Variants in PPP1R14C observed in about 807,000 individuals in gnomAD.
PPP1R14C encodes the protein protein phosphatase 1 regulatory subunit 14C.
In PPP1R14C, 16 loss-of-function variants were observed where a neutral mutation model predicts 20.4. The ratio of observed to expected loss-of-function variants is 0.78; its 90% CI spans 0.53 to 1.19. The LOEUF (loss-of-function observed/expected upper bound fraction) is 1.19. PPP1R14C is among the 50% of genes most tolerant of loss of function. PPP1R14C has a pLI of 0.00. For missense variants in PPP1R14C, 211 were observed against 220.1 expected (o/e 0.96, Z 0.26); for synonymous variants, 91 against 91.0 (o/e 1.00, Z 0.00).
At chr6:150,191,868 T>C (rs1297478288) in intron 1 of PPP1R14C, among the ~76,000 whole-genome samples, 1 of 152,174 alleles carries the variant, frequency 6.6e-6, no homozygotes, top group African/African-American at 2.4e-5. Flanking sequence ...TGACTATTCA[T>C]GAAGGAAATG....
At chr6:150,205,207 C>T (rs1405849278) in intron 1 of PPP1R14C, among the ~76,000 whole-genome samples, 1 of 152,054 alleles carries the variant, frequency 6.6e-6, no homozygotes, top group African/African-American at 2.4e-5. Context: ...GAAAAGACCT[C>T]CTCAGCCTAG....
chr6:150,181,600 T>TA (rs1057497102), intron 1 of PPP1R14C, among the ~76,000 whole-genome samples: 5 of 152,220 alleles, frequency 3.3e-5, no homozygotes, highest in African/African-American at 7.2e-5. Flanking sequence ...AATGTTTTTT[T>TA]AAAAAAATTT....
rs1021776901 is a variant in PPP1R14C at position 150,242,328 on chromosome 6, T to G, written c.424-6418T>G. On this transcript the variant is annotated intron_variant, in intron 3 of 3. Coordinates refer to ENST00000361131, the MANE Select transcript of PPP1R14C (RefSeq NM_030949.3). ...GATAAAGATATTACAAGAAAAGAAATGTACAGACAAGTATTGAATTCAACA... is the reference window on the plus strand; with the variant it reads ...GATAAAGATATTACAAGAAAAGAAAGGTACAGACAAGTATTGAATTCAACA... 2.0e-4 allele frequency among the ~76,000 whole-genome samples: 8 copies of G among 39,216 alleles called. No homozygotes were observed. In the South Asian group the frequency reaches 3.4e-3, roughly 17 times the overall value. 25.7% of individuals were successfully genotyped at this position (39,216 alleles called of 152,430 possible).
chr6:150,165,989 G>A (rs1777417500), intron 1 of PPP1R14C, among the ~76,000 whole-genome samples: 1 of 152,144 alleles, frequency 6.6e-6, no homozygotes, highest in Non-Finnish European at 1.5e-5. Context: ...CTCTGGATGT[G>A]CCAGTCAGTG....
At chr6:150,223,654 C>T (rs1562273928) in intron 3 of PPP1R14C, among the ~76,000 whole-genome samples, 1 of 151,850 alleles carries the variant, frequency 6.6e-6, no homozygotes, top group East Asian at 1.9e-4. Context: ...TAGATGTTAA[C>T]TATGTCTGTT....
chr6:150,217,194 TA>T (rs368421448), intron 3 of PPP1R14C, among the ~76,000 whole-genome samples: 12 of 144,070 alleles, frequency 8.3e-5, no homozygotes, highest in South Asian at 6.4e-4. Flanking sequence ...TATTGGTATG[TA>T]TTTTTTTTTT....
At chr6:150,227,943 A>G (rs1223213608) in intron 3 of PPP1R14C, among the ~76,000 whole-genome samples, 1 of 152,232 alleles carries the variant, frequency 6.6e-6, no homozygotes, top group African/African-American at 2.4e-5. Context: ...ACATACTTTC[A>G]TTAGGATTCT....
chr6:150,151,841 C>CCGGG (rs1777251047), intron 1 of PPP1R14C, among the ~76,000 whole-genome samples: 1 of 152,182 alleles, frequency 6.6e-6, no homozygotes, highest in Non-Finnish European at 1.5e-5. Context: ...CTGATTGCGG[C>CCGGG]CGGGCGCGGT....
chr6:150,145,838 T>A (rs1259694577), intron 1 of PPP1R14C, among the ~76,000 whole-genome samples: 3 of 152,242 alleles, frequency 2.0e-5, no homozygotes, highest in Non-Finnish European at 4.4e-5. Context: ...AGGCTTGAGT[T>A]ATCTGCTGAG....
chr6:150,248,684 A>T, intron 3 of PPP1R14C, 62 bp from the exon 4 acceptor site: 1 of 1,154,700 alleles, frequency 8.7e-7, no homozygotes, highest in Non-Finnish European at 1.3e-6. Context: ...TACTTTAAGC[A>T]GATTTTTAAA....
At chr6:150,244,288 T>G (rs2114934689) in intron 3 of PPP1R14C, among the ~76,000 whole-genome samples, 1 of 152,372 alleles carries the variant, frequency 6.6e-6, no homozygotes, top group African/African-American at 2.4e-5. Context: ...GTCTCTGTCC[T>G]TGATTTACTT....
intron 1 of PPP1R14C, among the ~76,000 whole-genome samples, chr6:150,208,376 C>T (rs1484885264): frequency 6.6e-6 from 1 of 152,158 alleles, no homozygotes; most frequent in Admixed American, 6.6e-5. Flanking sequence ...CAGGATCCTC[C>T]CTTTATCCCC....
intron 3 of PPP1R14C, among the ~76,000 whole-genome samples, chr6:150,220,928 T>C (rs1399449720): frequency 6.6e-6 from 1 of 152,218 alleles, no homozygotes; most frequent in Non-Finnish European, 1.5e-5. Flanking sequence ...AATGTATTAT[T>C]TGAACACTCT....
intron 1 of PPP1R14C, among the ~76,000 whole-genome samples, chr6:150,146,350 T>C (rs1285606352): frequency 6.6e-6 from 1 of 152,226 alleles, no homozygotes; most frequent in African/African-American, 2.4e-5. Context: ...AGAGCAAATG[T>C]AGGTCTACAA....
intron 1 of PPP1R14C, among the ~76,000 whole-genome samples, chr6:150,176,455 G>C (rs112687445): frequency 1.3e-5 from 2 of 152,336 alleles, no homozygotes; most frequent in African/African-American, 4.8e-5. Context: ...GTATGTCTCA[G>C]CGTCAAAGAG....
intron 3 of PPP1R14C, among the ~76,000 whole-genome samples, chr6:150,248,141 C>A (rs971840780): frequency 6.6e-6 from 1 of 152,102 alleles, no homozygotes. Flanking sequence ...ACTCTGATGA[C>A]CTTATCTAAT....
chr6:150,147,240 C>T (rs1044108607), intron 1 of PPP1R14C, among the ~76,000 whole-genome samples: 7 of 150,320 alleles, frequency 4.7e-5, no homozygotes, highest in Admixed American at 1.3e-4. Context: ...AGTGCAGTGG[C>T]GCAATCTCAG....
intron 1 of PPP1R14C, among the ~76,000 whole-genome samples, chr6:150,205,106 G>A (rs551828687): frequency 1.3e-4 from 20 of 151,692 alleles, no homozygotes; most frequent in Admixed American, 7.2e-4. Flanking sequence ...TTGGGGGCAC[G>A]AACTAAGCCT....
chr6:150,149,956 G>T (rs1025966297), intron 1 of PPP1R14C, among the ~76,000 whole-genome samples: 5 of 152,136 alleles, frequency 3.3e-5, no homozygotes, highest in Non-Finnish European at 5.9e-5. Context: ...TTACATATGT[G>T]CAGGGAAGTT....
Sources: gnomAD v4.1 joint callset for allele counts (sites outside exome capture counted in the v4.1 genomes callset) on GRCh38, gnomAD v4.1.1 for gene constraint, MANE v1.5 for transcripts, NCBI Gene and HGNC (gene_info 2026-07-23, HGNC 2026-07-21) for gene names.